Variants in TRPM3 observed in about 807,000 individuals in gnomAD.
TRPM3 encodes long transient receptor potential channel 3.
A neutral mutation model predicts 181.2 loss-of-function variants in TRPM3; 77 were observed. That is an observed-to-expected ratio of 0.42 (90% CI 0.35 to 0.51). TRPM3 has a LOEUF of 0.51. Among genes scored for constraint, TRPM3 ranks in the 20% least tolerant of loss-of-function variants. TRPM3 has a pLI of 0.01. For missense variants in TRPM3, 1,759 were observed against 2,196.7 expected (o/e 0.80, Z 3.98); for synonymous variants, 745 against 796.4 (o/e 0.94, Z 1.09).
At chr9:70,905,593 T>C (rs1226457612) in intron 1 of TRPM3, among the ~76,000 whole-genome samples, 1 of 152,198 alleles carries the variant, frequency 6.6e-6, no homozygotes, top group Non-Finnish European at 1.5e-5. Flanking sequence ...ACAAGATTTA[T>C]ATCCATAAAT....
At chr9:70,574,528 G>C (rs2132231466) in intron 22 of TRPM3, among the ~76,000 whole-genome samples, 1 of 152,266 alleles carries the variant, frequency 6.6e-6, no homozygotes, top group Admixed American at 6.5e-5. Flanking sequence ...ATAGCACTCT[G>C]TATTCCTTCA....
intron 1 of TRPM3, among the ~76,000 whole-genome samples, chr9:70,966,860 C>T (rs1455063518): frequency 6.6e-6 from 1 of 152,030 alleles, no homozygotes; most frequent in Non-Finnish European, 1.5e-5. Context: ...TATAACAAAC[C>T]TGCACATGTA....
intron 1 of TRPM3, among the ~76,000 whole-genome samples, chr9:71,427,149 A>C (rs756951452): frequency 6.6e-6 from 1 of 152,158 alleles, no homozygotes; most frequent in Non-Finnish European, 1.5e-5. Context: ...TCAGTGGTCA[A>C]TGATTCCATC....
At chr9:70,793,548 CATACATATATAT>C (rs1166217164) in intron 6 of TRPM3, 2 of 462,264 alleles carry the variant, frequency 4.3e-6, no homozygotes, top group African/African-American at 4.1e-5. Flanking sequence ...TACATATATA[CATACATATATAT>C]ACCCCTTTAT....
At chr9:71,063,360 C>T (rs1205539594) in intron 1 of TRPM3, among the ~76,000 whole-genome samples, 2 of 152,150 alleles carry the variant, frequency 1.3e-5, no homozygotes, top group Admixed American at 1.3e-4. Flanking sequence ...ACCTAATTCA[C>T]ACACGGCACG....
intron 1 of TRPM3, among the ~76,000 whole-genome samples, chr9:71,120,373 T>C (rs1295333010): frequency 6.6e-6 from 1 of 152,166 alleles, no homozygotes; most frequent in Non-Finnish European, 1.5e-5. Flanking sequence ...CTAATTTGTG[T>C]TTTCCCCCCT....
chr9:70,932,595 C>T (rs1281221933), intron 1 of TRPM3, among the ~76,000 whole-genome samples: 1 of 152,180 alleles, frequency 6.6e-6, no homozygotes, highest in Non-Finnish European at 1.5e-5. Flanking sequence ...CTAATGCTGA[C>T]TCTTCCAAAG....
intron 6 of TRPM3, among the ~76,000 whole-genome samples, chr9:70,785,307 C>A (rs1329282688): frequency 6.6e-6 from 1 of 152,132 alleles, no homozygotes; most frequent in African/African-American, 2.4e-5. Flanking sequence ...GTAATAAAAT[C>A]AAATGTCCAT....
At chr9:71,037,944 T>A (rs971570028) in intron 1 of TRPM3, among the ~76,000 whole-genome samples, 3 of 152,236 alleles carry the variant, frequency 2.0e-5, no homozygotes, top group Non-Finnish European at 4.4e-5. Flanking sequence ...GCTGTGCAGT[T>A]CTTGCTGCTA....
rs114831136 is a variant in TRPM3, at chr9:70,879,179, C to G, written c.178-14668G>C. 4.6e-3 allele frequency among the ~76,000 whole-genome samples: 697 copies of G among 152,132 alleles called. 4 individuals are homozygous for G. Among genetic ancestry groups the G allele is most frequent in the African/African-American group, 0.016 (666 of 41,528 alleles). On this transcript the variant is annotated intron_variant, in intron 1 of 25. Coordinates refer to ENST00000677713, the MANE Select transcript of TRPM3 (RefSeq NM_001366145.2). ...GGCAAAATACAGGGACATAGAATAA[C>G]TTCAGTGACACAGAGAAGTAAATAC...
At chr9:71,336,417 G>A (rs1198809591) in intron 1 of TRPM3, among the ~76,000 whole-genome samples, 1 of 152,064 alleles carries the variant, frequency 6.6e-6, no homozygotes, top group East Asian at 1.9e-4. Flanking sequence ...ACTTCTTCAA[G>A]GAGAACTACA....
chr9:70,656,784 A>C (rs1461428138), intron 9 of TRPM3, among the ~76,000 whole-genome samples: 1 of 152,120 alleles, frequency 6.6e-6, no homozygotes, highest in Non-Finnish European at 1.5e-5. Flanking sequence ...TTGTAGGAAA[A>C]CATTCTTTCT....
intron 1 of TRPM3, among the ~76,000 whole-genome samples, chr9:71,366,533 C>A (rs903599790): frequency 2.6e-5 from 4 of 152,184 alleles, no homozygotes; most frequent in African/African-American, 9.6e-5. Context: ...CCTACAGAAC[C>A]AGTTGGCCTA....
At chr9:70,856,933 A>G (rs975031047) in intron 3 of TRPM3, among the ~76,000 whole-genome samples, 18 of 152,172 alleles carry the variant, frequency 1.2e-4, no homozygotes, top group Admixed American at 2.0e-4. Flanking sequence ...TTCTGTCTGT[A>G]ATCAAGTCCA....
chr9:71,286,105 T>G (rs1346371285), intron 1 of TRPM3, among the ~76,000 whole-genome samples: 1 of 152,202 alleles, frequency 6.6e-6, no homozygotes, highest in African/African-American at 2.4e-5. Flanking sequence ...TGAGAAAGTC[T>G]GACAATTGTT....
intron 1 of TRPM3, among the ~76,000 whole-genome samples, chr9:71,347,160 A>T (rs2091346327): frequency 6.6e-6 from 1 of 152,196 alleles, no homozygotes; most frequent in Admixed American, 6.5e-5. Flanking sequence ...GGTTGAAGTT[A>T]TCCCCACCTG....
chr9:71,228,741 T>A (rs2080857447), intron 1 of TRPM3, among the ~76,000 whole-genome samples: 1 of 152,054 alleles, frequency 6.6e-6, no homozygotes, highest in Non-Finnish European at 1.5e-5. Flanking sequence ...ATTAAATACC[T>A]AGGAATTAAC....
intron 1 of TRPM3, among the ~76,000 whole-genome samples, chr9:71,338,492 G>C (rs2090729880): frequency 6.6e-6 from 1 of 152,136 alleles, no homozygotes; most frequent in Non-Finnish European, 1.5e-5. Flanking sequence ...GCAGATTTTA[G>C]AATTAGTGGA....
At chr9:70,662,423 C>T (rs2061259125) in intron 9 of TRPM3, among the ~76,000 whole-genome samples, 1 of 151,534 alleles carries the variant, frequency 6.6e-6, no homozygotes, top group African/African-American at 2.4e-5. Flanking sequence ...TAAATTGCTT[C>T]TTCATAGCAA....
Sources: allele counts gnomAD v4.1 joint callset (sites outside exome capture counted in the v4.1 genomes callset), GRCh38; gene constraint gnomAD v4.1.1; transcripts MANE v1.5; gene names NCBI Gene and HGNC (gene_info 2026-07-23, HGNC 2026-07-21).